The following PLEKHM3 variants were observed in gnomAD, a reference collection of about 807,000 sequenced individuals.
The protein encoded by PLEKHM3 is pleckstrin homology domain-containing family M member 3.
In PLEKHM3, 45 loss-of-function variants were observed where a neutral mutation model predicts 81.8. The observed-to-expected ratio is 0.55, with a 90% CI of 0.43 to 0.71. PLEKHM3 has a LOEUF of 0.71. Among genes scored for constraint, PLEKHM3 ranks in the 30% least tolerant of loss-of-function variants. The pLI is 0.00. For missense variants in PLEKHM3, 788 were observed against 924.3 expected (o/e 0.85, Z 1.91); for synonymous variants, 352 against 356.4 (o/e 0.99, Z 0.14).
chr2:207,948,734 G>T (rs1239528452), intron 3 of PLEKHM3, among the ~76,000 whole-genome samples: 1 of 152,168 alleles, frequency 6.6e-6, no homozygotes, highest in Non-Finnish European at 1.5e-5. Context: ...TAGTAGAGAC[G>T]GGGTTTCACC....
At position 207,929,456 on chromosome 2, in the gene PLEKHM3, G is replaced by A. The variant is rs548238055; in HGVS notation, c.1886+1470C>T. ...GATTTTAATATTGTCTAGAAATACA[G>A]GCACAAGAAAAATAAGCTCTGAGCA... On this transcript the variant is annotated intron_variant, in intron 5 of 7. Transcript: ENST00000427836. 3.9e-5 allele frequency among the ~76,000 whole-genome samples: 6 copies of A among 152,244 alleles called. No individual in the cohort carries two copies. The South Asian group carries it at 1.0e-3, about 26-fold the overall frequency.
At chr2:207,884,149 A>G (rs999036518) in intron 6 of PLEKHM3, among the ~76,000 whole-genome samples, 14 of 126,408 alleles carry the variant, frequency 1.1e-4, no homozygotes, top group Non-Finnish European at 2.3e-4. Context: ...CCACCCCCCA[A>G]AAAAAACCAC....
intron 6 of PLEKHM3, among the ~76,000 whole-genome samples, chr2:207,880,268 G>A (rs1418218878): frequency 6.6e-6 from 1 of 152,078 alleles, no homozygotes; most frequent in African/African-American, 2.4e-5. Flanking sequence ...TTAGCTGGGC[G>A]TGGTGGCATG....
intron 1 of PLEKHM3, among the ~76,000 whole-genome samples, chr2:208,007,735 T>C (rs1427865205): frequency 6.6e-6 from 1 of 150,760 alleles, no homozygotes; most frequent in Non-Finnish European, 1.5e-5. Context: ...CTAGGCAACA[T>C]AGTGAGACCC....
chr2:207,877,549 C>T (rs563147291), intron 6 of PLEKHM3, among the ~76,000 whole-genome samples: 3 of 152,154 alleles, frequency 2.0e-5, no homozygotes, highest in East Asian at 1.9e-4. Context: ...CCTCACAGTC[C>T]GTTTTCTTAA....
chr2:207,967,060 C>T (rs572280587), intron 3 of PLEKHM3, among the ~76,000 whole-genome samples: 10 of 152,206 alleles, frequency 6.6e-5, no homozygotes, highest in South Asian at 4.2e-4. Flanking sequence ...TATAGCTCAC[C>T]GCAGCCTGGA....
chr2:207,839,876 G>A (rs1489242549), intron 7 of PLEKHM3, among the ~76,000 whole-genome samples: 4 of 152,120 alleles, frequency 2.6e-5, no homozygotes, highest in Non-Finnish European at 5.9e-5. Context: ...GCCGTGAGCC[G>A]TGATGGTGCC....
At chr2:207,999,817 C>T (rs1692237426) in intron 2 of PLEKHM3, among the ~76,000 whole-genome samples, 1 of 152,230 alleles carries the variant, frequency 6.6e-6, no homozygotes, top group African/African-American at 2.4e-5. Context: ...ATATCCTTGC[C>T]TCGGGTTACA....
chr2:207,828,937 C>T (rs994071512), intron 7 of PLEKHM3, among the ~76,000 whole-genome samples: 1 of 152,192 alleles, frequency 6.6e-6, no homozygotes, highest in Admixed American at 6.5e-5. Flanking sequence ...TCAGTTAACA[C>T]GAGCTAAGTG....
chr2:207,923,318 A>G (rs753788321), intron 5 of PLEKHM3, among the ~76,000 whole-genome samples: 1 of 152,158 alleles, frequency 6.6e-6, no homozygotes, highest in Non-Finnish European at 1.5e-5. Flanking sequence ...AAAGAAAATT[A>G]TTAAAATAGC....
chr2:208,004,556 TAGA>T (rs1692434157), intron 1 of PLEKHM3, among the ~76,000 whole-genome samples: 1 of 152,184 alleles, frequency 6.6e-6, no homozygotes, highest in Admixed American at 6.5e-5. Flanking sequence ...TAGTATTTCA[TAGA>T]AGAAGCCACT....
chr2:207,843,201 C>T lies in PLEKHM3; in HGVS notation c.2109-14705G>A, dbSNP rs1197408499. Among the ~76,000 whole-genome samples, 2 of 152,182 alleles carry T rather than the reference C, an allele frequency of 1.3e-5. No individual in the cohort carries two copies. The highest frequency in any genetic ancestry group is 2.9e-5 in the Non-Finnish European group (2 of 68,014). On this transcript the variant is annotated intron_variant, in intron 7 of 7. Transcript: ENST00000427836. The surrounding 1 kb of genome is among the most constrained non-coding windows in gnomAD (Gnocchi z 4.4). ...CTAGGCTCAAGTGATCTGCCTGTCT[C>T]AGCCTCCCAAAGTGTTGGCCTCCTT...
intron 3 of PLEKHM3, among the ~76,000 whole-genome samples, chr2:207,973,879 CTTTCT>C (rs1448315433): frequency 2.0e-5 from 3 of 152,152 alleles, no homozygotes; most frequent in East Asian, 3.8e-4. Context: ...AACAGCTTTT[CTTTCT>C]TTTCTTTTTT....
chr2:207,925,374 C>A (rs985313837), intron 5 of PLEKHM3, among the ~76,000 whole-genome samples: 1 of 152,130 alleles, frequency 6.6e-6, no homozygotes, highest in African/African-American at 2.4e-5. Flanking sequence ...TGCCTCCAGG[C>A]TCATCTTCCT....
chr2:207,884,636 T>C lies in PLEKHM3; in HGVS notation c.1951-23374A>G, dbSNP rs77898029. Among the ~76,000 whole-genome samples, 218 of 152,350 alleles carry C rather than the reference T, an allele frequency of 1.4e-3. 2 individuals carry two copies. Among genetic ancestry groups the C allele is most frequent in the African/African-American group, 5.0e-3 (207 of 41,586 alleles). On this transcript the variant is annotated intron_variant, in intron 6 of 7. Transcript: ENST00000427836. The stretch of plus-strand genomic sequence containing the variant: ...ATAAGTAAAAAAGGTAGTGTTACTA[T>C]CAAAGCATGTAATACATTCTTCATT...
intron 4 of PLEKHM3, among the ~76,000 whole-genome samples, chr2:207,936,561 G>A (rs1689757356): frequency 6.6e-6 from 1 of 152,066 alleles, no homozygotes; most frequent in Non-Finnish European, 1.5e-5. Context: ...CAACATAAAT[G>A]ACAGCTGACA....
At chr2:207,940,256 G>A (rs568909301) in intron 4 of PLEKHM3, among the ~76,000 whole-genome samples, 15 of 152,288 alleles carry the variant, frequency 9.8e-5, no homozygotes, top group African/African-American at 3.4e-4. Flanking sequence ...CATTAATTAA[G>A]TGCTTATCAC....
intron 6 of PLEKHM3, among the ~76,000 whole-genome samples, chr2:207,886,913 T>C (rs1687902144): frequency 6.6e-6 from 1 of 152,208 alleles, no homozygotes; most frequent in Non-Finnish European, 1.5e-5. Context: ...GACCTTGCCA[T>C]GTACCAGCTC....
chr2:207,918,224 T>C (rs1689058090), intron 5 of PLEKHM3, among the ~76,000 whole-genome samples: 1 of 152,124 alleles, frequency 6.6e-6, no homozygotes, highest in Admixed American at 6.5e-5. Context: ...TTAAGGATAA[T>C]ATAAAACCAC....
Sources: allele counts gnomAD v4.1 joint callset (sites outside exome capture counted in the v4.1 genomes callset), GRCh38; gene constraint gnomAD v4.1.1; non-coding constraint Gnocchi (gnomAD v3.1); transcripts MANE v1.5; gene names NCBI Gene and HGNC (gene_info 2026-07-23, HGNC 2026-07-21).